SLC12A8: variants seen among roughly 807,000 people sequenced by gnomAD.
The protein encoded by SLC12A8 is cation-chloride cotransporter 9.
A neutral mutation model predicts 75.6 loss-of-function variants in SLC12A8; 69 were observed. That is an observed-to-expected ratio of 0.91 (90% CI 0.75 to 1.11). The LOEUF (loss-of-function observed/expected upper bound fraction) is 1.11. Ranked by LOEUF, SLC12A8 falls within the 50% of genes most tolerant of loss-of-function variation. The pLI is 0.00. For synonymous variants in SLC12A8, 365 were observed against 372.8 expected, an observed-to-expected ratio of 0.98 and a Z score of 0.24; for missense variants, 877 against 896.7, an observed-to-expected ratio of 0.98 and a Z score of 0.28.
chr3:125,082,881 T>C lies in SLC12A8; in HGVS notation c.*1009A>G, dbSNP rs181134133. On this transcript the variant is annotated 3_prime_UTR_variant, in exon 14 of 14. Transcript: ENST00000469902. ...AATAAATTATAACACATTTATACAA[T>C]GAAAAAAATGAACAAATGGCATATG... 2 of 152,178 alleles carry C rather than the reference T, an allele frequency of 1.3e-5. No homozygotes were observed. The highest frequency in any genetic ancestry group is 1.9e-4 in the East Asian group (1 of 5,178). The allele number at this position is 152,178 out of a possible 1,614,324, so 9.4% of individuals were successfully genotyped here.
chr3:125,142,899 A>G (rs1271621024), intron 5 of SLC12A8, among the ~76,000 whole-genome samples: 1 of 152,252 alleles, frequency 6.6e-6, no homozygotes, highest in Admixed American at 6.5e-5. Context: ...ACCAGCTTCC[A>G]TAACATGCCC....
intron 13 of SLC12A8, among the ~76,000 whole-genome samples, chr3:125,084,925 T>C (rs1938421587): frequency 6.6e-6 from 1 of 152,244 alleles, no homozygotes; most frequent in Non-Finnish European, 1.5e-5. Context: ...ATCTACTTTA[T>C]GAGTAATAAG....
intron 4 of SLC12A8, among the ~76,000 whole-genome samples, 180 bp from the exon 5 acceptor site, chr3:125,178,154 C>T (rs1189685835): frequency 6.6e-6 from 1 of 152,124 alleles, no homozygotes; most frequent in Admixed American, 6.5e-5. Flanking sequence ...CTGCCTCAGG[C>T]CCCATTTCTA....
At chr3:125,091,386 A>G (rs1938574478) in intron 12 of SLC12A8, 53 bp downstream of exon 12, 7 of 1,187,670 alleles carry the variant, frequency 5.9e-6, no homozygotes, top group African/African-American at 3.0e-5. Context: ...TTTTTTCCCA[A>G]TGAATGGTAG....
At chr3:125,137,547 G>A (rs1211195298) in intron 5 of SLC12A8, among the ~76,000 whole-genome samples, 2 of 151,988 alleles carry the variant, frequency 1.3e-5, no homozygotes, top group African/African-American at 4.8e-5. Context: ...CTGGACTAAT[G>A]TGCAGGTCGG....
At chr3:125,129,038 G>A (rs1365006850) in intron 6 of SLC12A8, among the ~76,000 whole-genome samples, 1 of 152,208 alleles carries the variant, frequency 6.6e-6, no homozygotes, top group African/African-American at 2.4e-5. Flanking sequence ...TGAAAAGGAA[G>A]GTGACTGTGG....
intron 10 of SLC12A8, among the ~76,000 whole-genome samples, chr3:125,093,296 T>C (rs1420989655): frequency 2.0e-5 from 3 of 152,336 alleles, no homozygotes; most frequent in East Asian, 3.9e-4. Flanking sequence ...GGAAATATAG[T>C]AGAAAGCTCC....
At chr3:125,198,450 T>A (rs991026963) in intron 2 of SLC12A8, among the ~76,000 whole-genome samples, 4 of 152,022 alleles carry the variant, frequency 2.6e-5, no homozygotes, top group Admixed American at 2.6e-4. Flanking sequence ...CTGGCCAATA[T>A]GGTGAAACCC....
intron 7 of SLC12A8, chr3:125,119,839 CT>C: frequency 4.4e-6 from 2 of 456,734 alleles, no homozygotes; most frequent in Non-Finnish European, 8.8e-6. Context: ...TTTCTGGTCT[CT>C]GATCTCTTTG....
intron 2 of SLC12A8, among the ~76,000 whole-genome samples, chr3:125,191,655 T>C (rs1456227828): frequency 6.6e-6 from 1 of 152,214 alleles, no homozygotes; most frequent in Non-Finnish European, 1.5e-5. Context: ...CCTGAATGGC[T>C]GAGAACAATG....
At chr3:125,169,255 G>A (rs1284308453) in intron 5 of SLC12A8, among the ~76,000 whole-genome samples, 1 of 152,150 alleles carries the variant, frequency 6.6e-6, no homozygotes, top group African/African-American at 2.4e-5. Context: ...TCCTGAGAGG[G>A]TCTTGTTTAA....
At chr3:125,122,347 T>C (rs1266051652) in intron 6 of SLC12A8, among the ~76,000 whole-genome samples, 3 of 152,236 alleles carry the variant, frequency 2.0e-5, no homozygotes, top group African/African-American at 7.2e-5. Flanking sequence ...GGTTTTGTTG[T>C]TGTTGTTTTT....
chr3:125,086,538 C>CA (rs34134401), intron 13 of SLC12A8, among the ~76,000 whole-genome samples: 3 of 152,012 alleles, frequency 2.0e-5, no homozygotes, highest in Admixed American at 6.5e-5. Context: ...TCAGGCAAGG[C>CA]AAAAAAATAG....
chr3:125,135,375 GGAGT>G (rs1343130636), intron 6 of SLC12A8, among the ~76,000 whole-genome samples: 5 of 152,170 alleles, frequency 3.3e-5, no homozygotes, highest in African/African-American at 4.8e-5. Context: ...CAATGTATAA[GGAGT>G]GAGGAGGATT....
chr3:125,182,178 T>G (rs911111201), intron 4 of SLC12A8, among the ~76,000 whole-genome samples: 1 of 151,986 alleles, frequency 6.6e-6, no homozygotes, highest in African/African-American at 2.4e-5. Context: ...AATTTAAAAA[T>G]TAGCTGAGCA....
At chr3:125,106,621 G>T (rs539270546) in intron 10 of SLC12A8, among the ~76,000 whole-genome samples, 4 of 152,182 alleles carry the variant, frequency 2.6e-5, no homozygotes, top group Admixed American at 2.6e-4. Flanking sequence ...GTCAGGCTGG[G>T]ATTATAGACG....
chr3:125,208,150 G>T (rs146660277), intron 2 of SLC12A8, among the ~76,000 whole-genome samples: 184 of 152,272 alleles, frequency 1.2e-3, no homozygotes, highest in African/African-American at 4.2e-3. Flanking sequence ...CTGGAACAAG[G>T]CTTGGCCTGC....
chr3:125,160,268 T>G (rs910894696), intron 5 of SLC12A8, among the ~76,000 whole-genome samples: 16 of 152,364 alleles, frequency 1.1e-4, no homozygotes, highest in Middle Eastern at 3.4e-3. Context: ...AATCTACCTA[T>G]GGTAGGTGAG....
intron 5 of SLC12A8, among the ~76,000 whole-genome samples, chr3:125,165,674 G>A (rs1353979321): frequency 6.6e-6 from 1 of 152,232 alleles, no homozygotes; most frequent in Non-Finnish European, 1.5e-5. Context: ...ACCCGTCCGG[G>A]CAGAAAAGGC....
Sources: gnomAD v4.1 joint callset for allele counts (sites outside exome capture counted in the v4.1 genomes callset) on GRCh38, gnomAD v4.1.1 for gene constraint, MANE v1.5 for transcripts, NCBI Gene and HGNC (gene_info 2026-07-23, HGNC 2026-07-21) for gene names.